The following XYLT1 variants were observed in gnomAD, a reference collection of about 807,000 sequenced individuals.
XYLT1 encodes beta-D-xylosyltransferase 1.
In XYLT1, 36 loss-of-function variants were observed where a neutral mutation model predicts 91.3. That is an observed-to-expected ratio of 0.39 (90% CI 0.30 to 0.52). The LOEUF (loss-of-function observed/expected upper bound fraction) is 0.52, where lower values mean the gene tolerates loss of function less well. Ranked by LOEUF, XYLT1 falls within the 20% of genes least tolerant of loss-of-function variation. XYLT1 has a pLI of 0.68. For missense variants in XYLT1, 1,242 were observed against 1,284.5 expected (o/e 0.97, Z 0.51); for synonymous variants, 588 against 532.0 (o/e 1.11, Z -1.45).
intron 1 of XYLT1, among the ~76,000 whole-genome samples, chr16:17,415,010 C>G (rs185294389): frequency 9.9e-4 from 151 of 152,270 alleles, no homozygotes; most frequent in Admixed American, 3.2e-3. Flanking sequence ...CAGCACTTCC[C>G]GCGTGTCTGA....
chr16:17,310,457 T>A (rs1321982789), intron 2 of XYLT1, among the ~76,000 whole-genome samples: 1 of 152,180 alleles, frequency 6.6e-6, no homozygotes, highest in Non-Finnish European at 1.5e-5. Context: ...CACCAGATAG[T>A]GATGTGGCCT....
At position 17,294,204 on chromosome 16, in the gene XYLT1, A is replaced by G. The variant is rs1241931207; in HGVS notation, c.403-34706T>C. 6.6e-5 allele frequency among the ~76,000 whole-genome samples: 10 copies of G among 152,134 alleles called. 1 individual carries two copies. Among genetic ancestry groups the G allele is most frequent in the Non-Finnish European group, 5.9e-5 (4 of 68,014 alleles). On this transcript the variant is annotated intron_variant, in intron 2 of 11. Coordinates refer to ENST00000261381, the MANE Select transcript of XYLT1 (RefSeq NM_022166.4). ...GTCTCTGCTTAGGGCTTTCTGACAAAGCAGAGTGGGGAAGGGAAAGGGAGG... is the reference window on the plus strand; with the variant it reads ...GTCTCTGCTTAGGGCTTTCTGACAAGGCAGAGTGGGGAAGGGAAAGGGAGG...
intron 2 of XYLT1, among the ~76,000 whole-genome samples, chr16:17,315,275 T>C (rs191107458): frequency 6.6e-6 from 1 of 152,264 alleles, no homozygotes; most frequent in East Asian, 2.0e-4. Context: ...GCTACCCTGG[T>C]CTCCATCTAT....
Position 17,221,227 on chromosome 16 carries a change from A to G in XYLT1, c.914-20573T>C, listed in dbSNP as rs570785164. On this transcript the variant is annotated intron_variant, in intron 3 of 11. Coordinates refer to ENST00000261381, the MANE Select transcript of XYLT1 (RefSeq NM_022166.4). ...AGCTACGGGAAGCTGACTGATTGGC[A>G]AAAAACAGGTCTCTACTAAAAATGC... 1.5e-3 allele frequency among the ~76,000 whole-genome samples: 222 copies of G among 152,312 alleles called. 1 individual carries two copies. The highest frequency in any genetic ancestry group is 2.8e-3 in the Non-Finnish European group (188 of 68,030).
chr16:17,136,810 A>G (rs1219997441), intron 8 of XYLT1, among the ~76,000 whole-genome samples: 2 of 152,070 alleles, frequency 1.3e-5, no homozygotes, highest in African/African-American at 4.8e-5. Context: ...CTGTGAACAC[A>G]TGAGGCACTC....
At chr16:17,421,401 C>T (rs774514916) in intron 1 of XYLT1, among the ~76,000 whole-genome samples, 2 of 152,190 alleles carry the variant, frequency 1.3e-5, no homozygotes, top group African/African-American at 2.4e-5. Flanking sequence ...TTATTTTTCC[C>T]GTCCTTAGAA....
intron 2 of XYLT1, among the ~76,000 whole-genome samples, chr16:17,343,216 G>T (rs949767410): frequency 1.3e-5 from 2 of 152,144 alleles, no homozygotes; most frequent in African/African-American, 4.8e-5. Context: ...GACTATTTTC[G>T]GGTGTCAGGC....
chr16:17,429,454 G>T (rs948334042), intron 1 of XYLT1, among the ~76,000 whole-genome samples: 5 of 152,198 alleles, frequency 3.3e-5, no homozygotes, highest in Admixed American at 2.6e-4. Flanking sequence ...AAGTTCTTTT[G>T]TTCCAATCAC....
intron 1 of XYLT1, among the ~76,000 whole-genome samples, chr16:17,461,685 T>C (rs543604755): frequency 9.5e-4 from 144 of 152,056 alleles, no homozygotes; most frequent in Non-Finnish European, 1.9e-3. Flanking sequence ...GACAAATGCA[T>C]GCATAAATAG....
At chr16:17,465,873 A>T (rs1387981826) in intron 1 of XYLT1, among the ~76,000 whole-genome samples, 1 of 152,180 alleles carries the variant, frequency 6.6e-6, no homozygotes, top group Non-Finnish European at 1.5e-5. Context: ...TTTCATCCTC[A>T]TACAGCCCTA....
At chr16:17,216,875 A>C (rs1172886093) in intron 3 of XYLT1, among the ~76,000 whole-genome samples, 1 of 152,214 alleles carries the variant, frequency 6.6e-6, no homozygotes, top group African/African-American at 2.4e-5. Context: ...CTCTTCGTCA[A>C]GCCTACTGCT....
At chr16:17,178,201 G>A (rs771429314) in intron 5 of XYLT1, among the ~76,000 whole-genome samples, 1 of 152,126 alleles carries the variant, frequency 6.6e-6, no homozygotes, top group Non-Finnish European at 1.5e-5. Context: ...CAACACTGAT[G>A]GGTGAGCTGT....
At chr16:17,341,166 A>G (rs547917308) in intron 2 of XYLT1, among the ~76,000 whole-genome samples, 136 of 152,332 alleles carry the variant, frequency 8.9e-4, no homozygotes, top group Non-Finnish European at 1.7e-3. Flanking sequence ...TACATACCCA[A>G]TCGAGCAAAG....
At chr16:17,416,339 A>T (rs989567315) in intron 1 of XYLT1, among the ~76,000 whole-genome samples, 1 of 152,352 alleles carries the variant, frequency 6.6e-6, no homozygotes, top group Non-Finnish European at 1.5e-5. Flanking sequence ...CCACGACCTC[A>T]TTAGTGGAGA....
At chr16:17,244,926 T>C (rs749643954) in intron 3 of XYLT1, among the ~76,000 whole-genome samples, 1 of 152,208 alleles carries the variant, frequency 6.6e-6, no homozygotes, top group Non-Finnish European at 1.5e-5. Flanking sequence ...ATCTAACTTG[T>C]GAATTCTTTC....
In XYLT1 at chr16:17,470,646, C is replaced by A; in HGVS notation, c.151G>T (p.Val51Phe). 6.3e-6 allele frequency: 7 copies of A among 1,117,440 alleles called. No individual in the cohort carries two copies. The highest frequency in any genetic ancestry group is 7.7e-6 in the Non-Finnish European group (7 of 904,666). The allele number at this position is 1,117,440 out of a possible 1,614,324, so 69.2% of individuals were successfully genotyped here. Residue 51 changes from valine to phenylalanine, a missense_variant, in exon 1 of 12, where the codon GTC (valine) becomes TTC (phenylalanine). Val to Phe is a conservative substitution (Grantham distance 50). This residue lies in a region of XYLT1 where 437 missense variants were observed against 411.5 expected (regional missense o/e 1.06). Coordinates refer to ENST00000261381, the MANE Select transcript of XYLT1 (RefSeq NM_022166.4). ...GGGGGCGGCTGCTCCCCGCCGCCGACCGCTGCGCCCCCGCGGCGCTCCCCG... is the reference window on the plus strand; with the variant it reads ...GGGGGCGGCTGCTCCCCGCCGCCGAACGCTGCGCCCCCGCGGCGCTCCCCG... ...GAGERRGGAAVGGGEQPPPAP... is the reference protein window; with the variant it reads ...GAGERRGGAAFGGGEQPPPAP...
At position 17,364,453 on chromosome 16, in the gene XYLT1, A is replaced by G. The variant is rs577512568; in HGVS notation, c.364-6403T>C. ...TTAAATAAAAATAAATACTGTACAT[A>G]GTTACAACCTCAGAAATGATCTTCT... On this transcript the variant is annotated intron_variant, in intron 1 of 11. Coordinates refer to ENST00000261381, the MANE Select transcript of XYLT1 (RefSeq NM_022166.4). Among the ~76,000 whole-genome samples the G allele has an allele frequency of 2.0e-5, 3 of 152,074 alleles. No individual in the cohort carries two copies. The South Asian group carries it at 6.2e-4, about 32-fold the overall frequency.
intron 5 of XYLT1, among the ~76,000 whole-genome samples, chr16:17,174,001 T>C (rs1374517504): frequency 6.6e-6 from 1 of 152,142 alleles, no homozygotes; most frequent in Non-Finnish European, 1.5e-5. Context: ...TTCCCCAGGC[T>C]GCAATGTGCA....
intron 3 of XYLT1, among the ~76,000 whole-genome samples, chr16:17,221,374 T>G (rs2032965348): frequency 6.6e-6 from 1 of 152,166 alleles, no homozygotes; most frequent in African/African-American, 2.4e-5. Flanking sequence ...GTTGGTTGGT[T>G]GGTTGGTGGC....
Sources: allele counts gnomAD v4.1 joint callset (sites outside exome capture counted in the v4.1 genomes callset), GRCh38; gene constraint gnomAD v4.1.1; regional missense constraint gnomAD v4.1.1; transcripts MANE v1.5; gene names NCBI Gene and HGNC (gene_info 2026-07-23, HGNC 2026-07-21).